The following ABR variants were observed in gnomAD, a reference collection of about 807,000 sequenced individuals.
The protein encoded by ABR is active breakpoint cluster region-related protein.
A neutral mutation model predicts 107.2 loss-of-function variants in ABR; 35 were observed. That is an observed-to-expected ratio of 0.33 (90% CI 0.25 to 0.43). The LOEUF is 0.43. ABR is among the 20% of genes least tolerant of loss of function. ABR has a pLI of 1.00. For missense variants in ABR, 815 were observed against 1,115.2 expected (o/e 0.73, Z 3.83); for synonymous variants, 498 against 462.0 (o/e 1.08, Z -1.00).
At chr17:1,096,111 C>A (rs916425448) in intron 3 of ABR, among the ~76,000 whole-genome samples, 3 of 152,008 alleles carry the variant, frequency 2.0e-5, no homozygotes, top group African/African-American at 7.2e-5. Flanking sequence ...TTTTCCTTCA[C>A]CCCCTACTTC....
intron 1 of ABR, among the ~76,000 whole-genome samples, chr17:1,214,634 T>G (rs2042963829): frequency 6.6e-6 from 1 of 151,920 alleles, no homozygotes; most frequent in Non-Finnish European, 1.5e-5. Context: ...AAACCCCATC[T>G]CTACTAAAAA....
intron 1 of ABR, among the ~76,000 whole-genome samples, chr17:1,133,859 C>T (rs1272891644): frequency 6.6e-6 from 1 of 152,164 alleles, no homozygotes; most frequent in Non-Finnish European, 1.5e-5. Context: ...CACTGAGACC[C>T]AAGTGAAGCA....
At chr17:1,162,623 G>A (rs147446124) in intron 1 of ABR, among the ~76,000 whole-genome samples, 22 of 152,352 alleles carry the variant, frequency 1.4e-4, no homozygotes, top group African/African-American at 4.8e-4. Context: ...CAGCCTGAGT[G>A]TGGCATCTGC....
chr17:1,107,277 CT>C (rs1271165885), intron 2 of ABR, among the ~76,000 whole-genome samples: 5 of 152,246 alleles, frequency 3.3e-5, no homozygotes, highest in Non-Finnish European at 7.3e-5. Flanking sequence ...CAGGACACCT[CT>C]GAGATGGAGC....
chr17:1,188,325 C>T (rs1387873249), upstream of ABR, among the ~76,000 whole-genome samples: 28 of 152,226 alleles, frequency 1.8e-4, no homozygotes, highest in African/African-American at 6.5e-4. Context: ...CCGAGGCGGG[C>T]AGATCACTAG....
In ABR at chr17:1,050,024, G is replaced by A; in HGVS notation, c.1791+26C>T. The A allele has an allele frequency of 6.2e-7, 1 of 1,606,252 alleles. No individual in the cohort carries two copies. Among genetic ancestry groups the A allele is most frequent in the Non-Finnish European group, 8.5e-7 (1 of 1,177,086 alleles). On this transcript the variant is annotated intron_variant, in intron 16 of 22. Coordinates refer to ENST00000302538, the MANE Select transcript of ABR (RefSeq NM_021962.5). This position sits in a 1 kb window ranked among gnomAD's most constrained non-coding sequence, Gnocchi z 4.6. The stretch of plus-strand genomic sequence containing the variant: ...GAACCACCTCCTGGAGGCTCCCTCA[G>A]CCTCGCCCCGGCGCCCTGGCCTCAC...
In ABR at chr17:1,050,766, T is replaced by G; in HGVS notation, c.1562-132A>C. On this transcript the variant is annotated intron_variant, in intron 14 of 22. Coordinates refer to ENST00000302538, the MANE Select transcript of ABR (RefSeq NM_021962.5). This position sits in a 1 kb window ranked among gnomAD's most constrained non-coding sequence, Gnocchi z 4.6. ...CCCCACGGATGGCATCTTGGCTCTC[T>G]CCTCCCTGAAGCCCGGGACCATCTG... 2 of 724,314 alleles carry G rather than the reference T, an allele frequency of 2.8e-6. No homozygotes were observed. Among genetic ancestry groups the G allele is most frequent in the Non-Finnish European group, 4.8e-6 (2 of 413,410 alleles). The allele number at this position is 724,314 out of a possible 1,614,324, so 44.9% of individuals were successfully genotyped here.
intron 17 of ABR, 148 bp downstream of exon 17, chr17:1,012,957 T>TGG: frequency 9.2e-7 from 1 of 1,091,162 alleles, no homozygotes; most frequent in Non-Finnish European, 1.4e-6. Flanking sequence ...GGGCAGGGTG[T>TGG]GGGCAGGAGG....
intron 12 of ABR, among the ~76,000 whole-genome samples, 180 bp from the exon 13 acceptor site, chr17:1,057,282 G>A (rs2033391001): frequency 6.8e-6 from 1 of 148,022 alleles, no homozygotes; most frequent in African/African-American, 2.5e-5. Flanking sequence ...AGAGGGGTCA[G>A]AGTAGGAGAA....
intron 1 of ABR, among the ~76,000 whole-genome samples, chr17:1,219,413 T>C (rs1037622174): frequency 6.6e-6 from 1 of 151,562 alleles, no homozygotes; most frequent in African/African-American, 2.4e-5. Flanking sequence ...TTTAATAACC[T>C]TGCACCTGCA....
intron 3 of ABR, among the ~76,000 whole-genome samples, chr17:1,097,702 A>C (rs1166617645): frequency 1.3e-5 from 2 of 152,088 alleles, no homozygotes; most frequent in Non-Finnish European, 2.9e-5. Context: ...AAACTGAGGC[A>C]CGATAGCTCA....
rs1239900616 is a variant in ABR, at chr17:1,058,871, C to G, written c.1183-4G>C. ...GGCTCTGGCCTTTGTTGGCTTTCTG[C>G]AGGAGATGGGGACACAGAGGGTTCC... On this transcript the variant is annotated splice_region_variant and splice_polypyrimidine_tract_variant and intron_variant, in intron 10 of 22. Transcript: ENST00000302538. The G allele has an allele frequency of 6.2e-7, 1 of 1,613,968 alleles. No homozygotes were observed. The highest frequency in any genetic ancestry group is 1.7e-5 in the Admixed American group (1 of 60,016).
At chr17:1,108,384 C>G (rs2151382084) in intron 2 of ABR, among the ~76,000 whole-genome samples, 1 of 152,368 alleles carries the variant, frequency 6.6e-6, no homozygotes, top group South Asian at 2.1e-4. Flanking sequence ...GGCCAGGGCC[C>G]AGCAGATGCT....
intron 1 of ABR, among the ~76,000 whole-genome samples, chr17:1,192,533 C>T (rs1438493367): frequency 7.9e-5 from 12 of 151,736 alleles, no homozygotes; most frequent in African/African-American, 2.4e-4. Context: ...TCCCAGCATT[C>T]TGGGAGGCCG....
chr17:1,024,514 C>T (rs2072011264), intron 16 of ABR, among the ~76,000 whole-genome samples: 1 of 152,112 alleles, frequency 6.6e-6, no homozygotes, highest in Admixed American at 6.6e-5. Flanking sequence ...GGGCCAGGCA[C>T]GGGGGCTCCC....
intron 6 of ABR, among the ~76,000 whole-genome samples, chr17:1,076,101 C>CA (rs776457980): frequency 2.0e-5 from 3 of 152,176 alleles, no homozygotes; most frequent in Non-Finnish European, 2.9e-5. Flanking sequence ...CTCCTGGCCT[C>CA]AAGCCAAATA....
intron 1 of ABR, among the ~76,000 whole-genome samples, chr17:1,144,885 G>A (rs2040466566): frequency 1.3e-5 from 2 of 152,106 alleles, no homozygotes; most frequent in South Asian, 4.1e-4. Context: ...CTGGGTGTGT[G>A]GCGGGCCCCT....
chr17:1,023,138 C>T (rs1436029053), intron 16 of ABR, among the ~76,000 whole-genome samples: 1 of 151,536 alleles, frequency 6.6e-6, no homozygotes, highest in East Asian at 2.0e-4. Context: ...CTGCCGGCCC[C>T]ACGTCCACTC....
At chr17:1,063,252 A>C (rs1463789337) in intron 10 of ABR, among the ~76,000 whole-genome samples, 1 of 85,170 alleles carries the variant, frequency 1.2e-5, no homozygotes, top group African/African-American at 5.3e-5. Context: ...ATGTTCCTCT[A>C]GACACTGCTG....
Sources: gnomAD v4.1 joint callset for allele counts (sites outside exome capture counted in the v4.1 genomes callset) on GRCh38, gnomAD v4.1.1 for gene constraint, Gnocchi (gnomAD v3.1) non-coding constraint, MANE v1.5 for transcripts, NCBI Gene and HGNC (gene_info 2026-07-23, HGNC 2026-07-21) for gene names.